LEPR: variants seen among roughly 807,000 people sequenced by gnomAD.
The protein encoded by LEPR is leptin receptor.
A neutral mutation model predicts 114.7 loss-of-function variants in LEPR; 56 were observed. That is an observed-to-expected ratio of 0.49 (90% CI 0.39 to 0.61). The LOEUF (loss-of-function observed/expected upper bound fraction) is 0.61, where lower values mean the gene tolerates loss of function less well. LEPR is among the 20% of genes least tolerant of loss of function. LEPR has a pLI of 0.00. For missense variants in LEPR, 1,202 were observed against 1,352.9 expected, an observed-to-expected ratio of 0.89 and a Z score of 1.75; for synonymous variants, 443 against 461.4, an observed-to-expected ratio of 0.96 and a Z score of 0.51.
At chr1:65,426,354 C>T (rs1448377371) in intron 2 of LEPR, among the ~76,000 whole-genome samples, 2 of 152,104 alleles carry the variant, frequency 1.3e-5, no homozygotes, top group Non-Finnish European at 2.9e-5. Context: ...GCACTTAGGG[C>T]TCTATATGCC....
chr1:65,572,518 A>G (rs1654272624), intron 5 of LEPR, 69 bp downstream of exon 5: 1 of 1,427,530 alleles, frequency 7.0e-7, no homozygotes, highest in Non-Finnish European at 9.7e-7. Flanking sequence ...CATATACGGA[A>G]GTAGATTATA....
At chr1:65,542,429 G>T (rs993813466) in intron 2 of LEPR, among the ~76,000 whole-genome samples, 17 of 150,698 alleles carry the variant, frequency 1.1e-4, no homozygotes, top group Non-Finnish European at 2.4e-4. Context: ...TTTTTCAGAA[G>T]TCTAATATGG....
At chr1:65,602,038 A>T (rs1656475403) in intron 10 of LEPR, 78 bp downstream of exon 10, 2 of 1,187,502 alleles carry the variant, frequency 1.7e-6, no homozygotes, top group African/African-American at 3.0e-5. Flanking sequence ...TTACAACAGT[A>T]GTCTTACAGA....
At chr1:65,545,506 G>A (rs1482433725) in intron 2 of LEPR, among the ~76,000 whole-genome samples, 1 of 151,296 alleles carries the variant, frequency 6.6e-6, no homozygotes, top group African/African-American at 2.4e-5. Context: ...ATTCTAACTG[G>A]TGTGAGATGG....
At position 65,638,421 on chromosome 1, in the gene LEPR, A is replaced by C. The variant is rs755392674; in HGVS notation, c.*1406A>C. 3 of 152,176 alleles carry C rather than the reference A, an allele frequency of 2.0e-5. No homozygotes were observed. Among genetic ancestry groups the C allele is most frequent in the Non-Finnish European group, 4.4e-5 (3 of 68,034 alleles). 9.4% of individuals were successfully genotyped at this position (152,176 alleles called of 1,614,324 possible). A position where few individuals can be genotyped will look rare whatever the true frequency, so the allele number is the denominator to read the frequency against. ...TAAATTAAGAAACCTGCACATTTGG[A>C]TGTTCAGTGGCAAGAAGACCTTCAA... On this transcript the variant is annotated 3_prime_UTR_variant, in exon 20 of 20. Coordinates refer to ENST00000349533, the MANE Select transcript of LEPR (RefSeq NM_002303.6).
intron 6 of LEPR, among the ~76,000 whole-genome samples, chr1:65,593,683 C>T (rs570321971): frequency 6.6e-4 from 101 of 152,036 alleles, no homozygotes; most frequent in African/African-American, 2.3e-3. Flanking sequence ...CTAAGTTACT[C>T]GAGATATAGC....
intron 2 of LEPR, among the ~76,000 whole-genome samples, chr1:65,477,960 A>G (rs1289511853): frequency 6.6e-6 from 1 of 152,162 alleles, no homozygotes; most frequent in Non-Finnish European, 1.5e-5. Flanking sequence ...TTGGATTACT[A>G]TTTTTGTTCA....
intron 19 of LEPR, chr1:65,634,278 A>G (rs2101043426): frequency 1.0e-6 from 1 of 982,082 alleles, no homozygotes; most frequent in Non-Finnish European, 1.2e-6. Context: ...ATTTGAAAGT[A>G]GAAAAGAACT....
At chr1:65,582,117 C>G (rs1464049949) in intron 5 of LEPR, among the ~76,000 whole-genome samples, 1 of 152,188 alleles carries the variant, frequency 6.6e-6, no homozygotes, top group Non-Finnish European at 1.5e-5. Context: ...ATGGCAGCAC[C>G]CCACTTTCAA....
chr1:65,521,874 C>T (rs887925809), intron 2 of LEPR, among the ~76,000 whole-genome samples: 9 of 151,752 alleles, frequency 5.9e-5, no homozygotes, highest in African/African-American at 9.7e-5. Context: ...TTGAGGCGGG[C>T]GGATCAATTG....
At chr1:65,569,442 C>G (rs960286982) in intron 3 of LEPR, among the ~76,000 whole-genome samples, 3 of 152,106 alleles carry the variant, frequency 2.0e-5, no homozygotes, top group Non-Finnish European at 4.4e-5. Context: ...TGCAGTGGCT[C>G]ATGCCTGTAA....
intron 6 of LEPR, among the ~76,000 whole-genome samples, chr1:65,595,981 GATT>G (rs1394097861): frequency 4.3e-4 from 66 of 152,172 alleles, no homozygotes; most frequent in African/African-American, 1.3e-3. Flanking sequence ...GGTTTGTCTA[GATT>G]ATAGTGATCT....
At chr1:65,609,406 C>T (rs1570808736) in intron 12 of LEPR, among the ~76,000 whole-genome samples, 1 of 152,150 alleles carries the variant, frequency 6.6e-6, no homozygotes, top group Non-Finnish European at 1.5e-5. Flanking sequence ...GAGTCATTCC[C>T]GTAGTGGCAA....
At chr1:65,452,354 G>T (rs1405627573) in intron 2 of LEPR, among the ~76,000 whole-genome samples, 2 of 145,912 alleles carry the variant, frequency 1.4e-5, no homozygotes, top group African/African-American at 5.0e-5. Flanking sequence ...CCTGTCTTGT[G>T]CCAGTTTTCA....
At chr1:65,424,861 C>T (rs1557580216) in intron 1 of LEPR, among the ~76,000 whole-genome samples, 1 of 152,130 alleles carries the variant, frequency 6.6e-6, no homozygotes, top group Non-Finnish European at 1.5e-5. Context: ...CTCATCTGAA[C>T]CTAATTATCT....
At chr1:65,466,445 G>T (rs1647014118) in intron 2 of LEPR, among the ~76,000 whole-genome samples, 1 of 152,126 alleles carries the variant, frequency 6.6e-6, no homozygotes, top group Non-Finnish European at 1.5e-5. Context: ...TTTCTGTCTG[G>T]CTGCCCTTAA....
chr1:65,443,659 T>A (rs1646677627), intron 2 of LEPR, among the ~76,000 whole-genome samples: 1 of 152,130 alleles, frequency 6.6e-6, no homozygotes, highest in South Asian at 2.1e-4. Context: ...CACATCTCGG[T>A]CTTCTTTTGG....
In LEPR at chr1:65,526,005, G is replaced by A. The variant is rs558692371; in HGVS notation, c.-20-39541G>A. 32 of 778,336 alleles carry A rather than the reference G, an allele frequency of 4.1e-5. No individual in the cohort carries two copies. The South Asian group carries it at 1.8e-3, about 43-fold the overall frequency. 48.2% of individuals were successfully genotyped at this position (778,336 alleles called of 1,614,324 possible). ...GCGCCCGGCGGGCGGCGGGGGTGGG[G>A]TGGGTGCGACGCCGGGCGACTCTCG... On this transcript the variant is annotated intron_variant, in intron 2 of 19. Coordinates refer to ENST00000349533, the MANE Select transcript of LEPR (RefSeq NM_002303.6).
intron 2 of LEPR, among the ~76,000 whole-genome samples, chr1:65,535,597 C>T (rs1264545838): frequency 6.6e-6 from 1 of 151,882 alleles, no homozygotes; most frequent in Non-Finnish European, 1.5e-5. Flanking sequence ...GTGATCCTCC[C>T]GCTTTGGCCT....
Sources: allele counts gnomAD v4.1 joint callset (sites outside exome capture counted in the v4.1 genomes callset), GRCh38; gene constraint gnomAD v4.1.1; transcripts MANE v1.5; gene names NCBI Gene and HGNC (gene_info 2026-07-23, HGNC 2026-07-21).